The following DLGAP1 variants were observed in gnomAD, a reference collection of about 807,000 sequenced individuals.
The protein encoded by DLGAP1 is disks large-associated protein 1.
Under a neutral mutation model 90.8 loss-of-function variants are expected in DLGAP1, and 11 were observed. The ratio of observed to expected loss-of-function variants is 0.12; its 90% confidence interval spans 0.08 to 0.20. The LOEUF is 0.20. DLGAP1 is among the 10% of genes least tolerant of loss of function. The pLI is 1.00. For missense variants in DLGAP1, 1,050 were observed against 1,333.8 expected, an observed-to-expected ratio of 0.79 and a Z score of 3.31; for synonymous variants, 558 against 540.7, an observed-to-expected ratio of 1.03 and a Z score of -0.44.
chr18:3,667,501 ATG>A (rs1249789033), intron 7 of DLGAP1, among the ~76,000 whole-genome samples: 2 of 152,160 alleles, frequency 1.3e-5, no homozygotes, highest in African/African-American at 2.4e-5. Flanking sequence ...GATGAGAACT[ATG>A]TGAGTTTTCC....
chr18:3,561,173 T>A (rs2054069975), intron 9 of DLGAP1, among the ~76,000 whole-genome samples: 1 of 148,588 alleles, frequency 6.7e-6, no homozygotes, highest in Admixed American at 6.7e-5. Flanking sequence ...TTCAGCACTT[T>A]GGGAGGCTGA....
At position 3,511,148 on chromosome 18, in the gene DLGAP1, C is replaced by G. The variant is rs139096423; in HGVS notation, c.2480-2487G>C. 3.8e-3 allele frequency among the ~76,000 whole-genome samples: 580 copies of G among 152,192 alleles called. 6 individuals are homozygous for G. Among genetic ancestry groups the G allele is most frequent in the African/African-American group, 0.013 (537 of 41,500 alleles). ...CAGGGTGGGGAGATGACTGCTTGGG[C>G]CTAGAATGAGATCATGAAACAGGGA... On this transcript the variant is annotated intron_variant, in intron 10 of 12. Transcript: ENST00000315677.
At chr18:4,114,956 CTTAGAT>C (rs1383295595) in intron 2 of DLGAP1, among the ~76,000 whole-genome samples, 2 of 152,018 alleles carry the variant, frequency 1.3e-5, no homozygotes, top group Non-Finnish European at 1.5e-5. Flanking sequence ...TATTGTAATA[CTTAGAT>C]TTAATCTGTC....
intron 1 of DLGAP1, among the ~76,000 whole-genome samples, chr18:4,153,737 A>G (rs912918154): frequency 6.6e-6 from 1 of 152,096 alleles, no homozygotes; most frequent in African/African-American, 2.4e-5. Context: ...CTACTCTTCC[A>G]CTGTCTTTTT....
intron 4 of DLGAP1, among the ~76,000 whole-genome samples, chr18:3,838,889 A>G (rs1318042342): frequency 6.6e-6 from 1 of 152,206 alleles, no homozygotes; most frequent in African/African-American, 2.4e-5. Flanking sequence ...TTCACATGGT[A>G]TTTTGTTATT....
At chr18:3,657,815 A>G (rs1385579849) in intron 7 of DLGAP1, among the ~76,000 whole-genome samples, 3 of 151,814 alleles carry the variant, frequency 2.0e-5, no homozygotes, top group East Asian at 1.9e-4. Context: ...CGTGTTAGCC[A>G]GGATGGTCTC....
chr18:3,622,868 A>T (rs1300867504), intron 7 of DLGAP1, among the ~76,000 whole-genome samples: 1 of 151,602 alleles, frequency 6.6e-6, no homozygotes, highest in Non-Finnish European at 1.5e-5. Context: ...GCAGTGGCAC[A>T]ATCTTGGCTC....
Position 3,713,725 on chromosome 18 carries a change from G to A in DLGAP1, c.1591+15410C>T, listed in dbSNP as rs143591775. Among the ~76,000 whole-genome samples, 91 of 152,074 alleles carry A rather than the reference G, an allele frequency of 6.0e-4. No homozygotes were observed. The East Asian group carries it at 0.015, about 25-fold the overall frequency. On this transcript the variant is annotated intron_variant, in intron 7 of 12. Transcript: ENST00000315677. Reference sequence around the variant, plus strand: ...GGTGGTCCTTCCTCTGATATGAAGCGTGACACTTGTGTGATAGAAAGAAAC... The same window carrying A: ...GGTGGTCCTTCCTCTGATATGAAGCATGACACTTGTGTGATAGAAAGAAAC...
At position 4,157,721 on chromosome 18, in the gene DLGAP1, C is replaced by T. The variant is rs112998380; in HGVS notation, c.-266-6434G>A. ...GCCATTCTGCGCTGCCTCATTCATA[C>T]GTGATGTTCATAATGGTGAATTCTG... is the stretch of plus-strand genomic sequence containing the variant. On this transcript the variant is annotated intron_variant, in intron 1 of 12. Coordinates refer to ENST00000315677, the MANE Select transcript of DLGAP1 (RefSeq NM_004746.4). 9.1e-3 allele frequency among the ~76,000 whole-genome samples: 1,387 copies of T among 152,250 alleles called. 26 individuals are homozygous for T. The highest frequency in any genetic ancestry group is 0.029 in the African/African-American group (1,205 of 41,552).
intron 2 of DLGAP1, among the ~76,000 whole-genome samples, chr18:4,077,471 T>C (rs947459866): frequency 2.6e-5 from 4 of 152,146 alleles, no homozygotes; most frequent in African/African-American, 9.7e-5. Flanking sequence ...ACCACATGAA[T>C]AGATTAATGC....
intron 1 of DLGAP1, among the ~76,000 whole-genome samples, chr18:4,432,929 T>TA (rs145287520): frequency 0.013 from 1,916 of 151,966 alleles, 52 homozygotes; most frequent in African/African-American, 0.044. Context: ...TAGGTCTTTT[T>TA]AAAAAAAACA....
At chr18:3,804,423 C>T (rs1007236017) in intron 5 of DLGAP1, among the ~76,000 whole-genome samples, 7 of 152,206 alleles carry the variant, frequency 4.6e-5, no homozygotes, top group African/African-American at 1.4e-4. Flanking sequence ...CCCAGATGAA[C>T]TGAAGGAAAT....
At chr18:4,002,578 A>G (rs2074215704) in intron 3 of DLGAP1, among the ~76,000 whole-genome samples, 1 of 152,222 alleles carries the variant, frequency 6.6e-6, no homozygotes, top group South Asian at 2.1e-4. Context: ...ACTTTATGGT[A>G]AGAATACAAT....
chr18:4,257,393 T>C (rs1310304411), intron 1 of DLGAP1, among the ~76,000 whole-genome samples: 1 of 152,224 alleles, frequency 6.6e-6, no homozygotes, highest in Non-Finnish European at 1.5e-5. Flanking sequence ...GAATTTATAA[T>C]ATACAGTGAA....
At chr18:3,983,243 T>C (rs919764484) in intron 3 of DLGAP1, 11 of 152,118 alleles carry the variant, frequency 7.2e-5, no homozygotes, top group African/African-American at 2.7e-4. Context: ...GTACCTTGAA[T>C]TAATAATGAT....
At chr18:4,310,117 T>A (rs980717531) in intron 1 of DLGAP1, among the ~76,000 whole-genome samples, 2 of 152,214 alleles carry the variant, frequency 1.3e-5, no homozygotes, top group Non-Finnish European at 2.9e-5. Context: ...ACCTAGGCTC[T>A]GACCTCACCT....
At chr18:3,537,836 G>A (rs2052463272) in intron 9 of DLGAP1, among the ~76,000 whole-genome samples, 1 of 152,150 alleles carries the variant, frequency 6.6e-6, no homozygotes, top group Non-Finnish European at 1.5e-5. Context: ...AATGTGTGAG[G>A]TGGTACATTT....
At chr18:3,652,632 C>T (rs1012977193) in intron 7 of DLGAP1, among the ~76,000 whole-genome samples, 2 of 152,184 alleles carry the variant, frequency 1.3e-5, no homozygotes, top group Admixed American at 6.5e-5. Context: ...TGTGAACCAC[C>T]GCACCCAGCC....
chr18:4,171,042 T>C (rs2077015238), intron 1 of DLGAP1, among the ~76,000 whole-genome samples: 1 of 151,998 alleles, frequency 6.6e-6, no homozygotes. Flanking sequence ...ATAAATAGGA[T>C]ATTATTCATA....
Sources: gnomAD v4.1 joint callset for allele counts (sites outside exome capture counted in the v4.1 genomes callset) on GRCh38, gnomAD v4.1.1 for gene constraint, MANE v1.5 for transcripts, NCBI Gene and HGNC (gene_info 2026-07-23, HGNC 2026-07-21) for gene names.